Variants in CDH12 observed in about 807,000 individuals in gnomAD.
CDH12 encodes cadherin 12.
CDH12 carries 41 observed loss-of-function variants against 74.1 expected under a neutral mutation model. The ratio of observed to expected loss-of-function variants is 0.55; its 90% CI spans 0.43 to 0.72. The LOEUF is 0.72. Ranked by LOEUF, CDH12 falls within the 30% of genes least tolerant of loss-of-function variation. CDH12 has a pLI of 0.00. For missense variants in CDH12, 945 were observed against 977.2 expected, an observed-to-expected ratio of 0.97 and a Z score of 0.44; for synonymous variants, 399 against 355.0, an observed-to-expected ratio of 1.12 and a Z score of -1.39.
intron 3 of CDH12, among the ~76,000 whole-genome samples, chr5:22,338,210 T>A (rs1739675429): frequency 6.6e-6 from 1 of 152,188 alleles, no homozygotes; most frequent in African/African-American, 2.4e-5. Context: ...AATGTGGTAC[T>A]TATACATGAT....
At chr5:22,406,642 G>T (rs1042106773) in intron 2 of CDH12, among the ~76,000 whole-genome samples, 14 of 152,066 alleles carry the variant, frequency 9.2e-5, no homozygotes, top group African/African-American at 3.4e-4. Flanking sequence ...CAAAAACAAT[G>T]ATCCAAATTA....
intron 6 of CDH12, among the ~76,000 whole-genome samples, chr5:21,940,184 G>A (rs1471557959): frequency 6.6e-6 from 1 of 152,016 alleles, no homozygotes; most frequent in African/African-American, 2.4e-5. Flanking sequence ...CCAAGATCAC[G>A]CCATTGCCCT....
chr5:22,457,425 AT>A (rs1172240668), intron 2 of CDH12, among the ~76,000 whole-genome samples: 171 of 104,600 alleles, frequency 1.6e-3, no homozygotes, highest in African/African-American at 3.9e-3. Flanking sequence ...CTTCTTCTTC[AT>A]TTTTTTTTTT....
intron 14 of CDH12, among the ~76,000 whole-genome samples, chr5:21,754,825 CTACTT>C (rs1744295150): frequency 2.6e-5 from 4 of 152,150 alleles, no homozygotes; most frequent in African/African-American, 9.7e-5. Context: ...AAATCTCTCT[CTACTT>C]TTGTCAATCT....
chr5:22,161,390 C>A (rs1748338483), intron 4 of CDH12, among the ~76,000 whole-genome samples: 1 of 152,080 alleles, frequency 6.6e-6, no homozygotes, highest in African/African-American at 2.4e-5. Flanking sequence ...CAAGAATAAT[C>A]AAAAACAACC....
intron 3 of CDH12, among the ~76,000 whole-genome samples, chr5:22,367,794 A>G (rs1477938415): frequency 6.6e-6 from 1 of 152,188 alleles, no homozygotes; most frequent in Non-Finnish European, 1.5e-5. Context: ...TGCAAGATTC[A>G]TATTATGACC....
intron 4 of CDH12, among the ~76,000 whole-genome samples, chr5:22,080,167 C>CA (rs34271872): frequency 0.31 from 47,484 of 151,982 alleles, 8,475 homozygotes; most frequent in African/African-American, 0.5. Flanking sequence ...GAACTAAAAT[C>CA]AAATCAATGC....
At chr5:21,941,714 C>T (rs550740360) in intron 6 of CDH12, among the ~76,000 whole-genome samples, 33 of 151,942 alleles carry the variant, frequency 2.2e-4, no homozygotes, top group Non-Finnish European at 2.2e-4. Flanking sequence ...AATCATACAA[C>T]GGAAAGGGAG....
At chr5:22,713,363 A>G (rs1743393301) in intron 1 of CDH12, among the ~76,000 whole-genome samples, 1 of 151,546 alleles carries the variant, frequency 6.6e-6, no homozygotes, top group South Asian at 2.1e-4. Context: ...GGATGGTCTC[A>G]ATCTCTTGAC....
chr5:21,820,446 A>T (rs998444439), intron 8 of CDH12, among the ~76,000 whole-genome samples: 19 of 152,164 alleles, frequency 1.2e-4, no homozygotes, highest in African/African-American at 4.1e-4. Context: ...AAATTAAGAT[A>T]AAAGTAAAGC....
intron 12 of CDH12, among the ~76,000 whole-genome samples, chr5:21,762,805 AT>A (rs1005577152): frequency 3.3e-5 from 5 of 152,100 alleles, no homozygotes; most frequent in African/African-American, 1.2e-4. Flanking sequence ...CATTTGGAGC[AT>A]TACAAATGAA....
intron 3 of CDH12, among the ~76,000 whole-genome samples, chr5:22,339,671 T>C (rs1271319995): frequency 6.6e-6 from 1 of 152,200 alleles, no homozygotes; most frequent in South Asian, 2.1e-4. Flanking sequence ...TAATTTATTT[T>C]ATTCATTTTT....
intron 1 of CDH12, among the ~76,000 whole-genome samples, chr5:22,683,587 C>A (rs1741609650): frequency 6.6e-6 from 1 of 152,112 alleles, no homozygotes; most frequent in Admixed American, 6.6e-5. Context: ...TTTTTTTCTG[C>A]ATTGAAAAAG....
intron 3 of CDH12, among the ~76,000 whole-genome samples, chr5:22,249,789 A>C (rs948954263): frequency 2.6e-5 from 4 of 152,114 alleles, no homozygotes; most frequent in African/African-American, 9.7e-5. Flanking sequence ...TAATGGAGAA[A>C]TCTCTCTCTG....
intron 1 of CDH12, among the ~76,000 whole-genome samples, chr5:22,670,525 T>A (rs1272835086): frequency 1.3e-5 from 2 of 152,136 alleles, no homozygotes; most frequent in African/African-American, 4.8e-5. Context: ...ATGTGCCATT[T>A]AAAAATACCA....
chr5:22,165,337 G>T (rs1748618977), intron 4 of CDH12, among the ~76,000 whole-genome samples: 1 of 152,126 alleles, frequency 6.6e-6, no homozygotes, highest in Non-Finnish European at 1.5e-5. Context: ...GGATTTGTTA[G>T]GAGTGTTCCT....
At chr5:22,119,777 A>T (rs1269591178) in intron 4 of CDH12, among the ~76,000 whole-genome samples, 1 of 152,182 alleles carries the variant, frequency 6.6e-6, no homozygotes, top group Non-Finnish European at 1.5e-5. Context: ...AGAAAGAAAA[A>T]AATGAAAATG....
At chr5:22,534,398 T>C (rs1007221980) in intron 1 of CDH12, among the ~76,000 whole-genome samples, 5 of 152,314 alleles carry the variant, frequency 3.3e-5, no homozygotes, top group East Asian at 1.9e-4. Flanking sequence ...GTTATTCTTA[T>C]GGCTTTGCAT....
intron 2 of CDH12, among the ~76,000 whole-genome samples, chr5:22,414,481 A>G (rs1743298935): frequency 1.3e-5 from 2 of 152,110 alleles, no homozygotes; most frequent in South Asian, 4.1e-4. Flanking sequence ...ACAATAATTG[A>G]TAGACAATAA....
Sources: allele counts gnomAD v4.1 joint callset (sites outside exome capture counted in the v4.1 genomes callset), GRCh38; gene constraint gnomAD v4.1.1; transcripts MANE v1.5; gene names NCBI Gene and HGNC (gene_info 2026-07-23, HGNC 2026-07-21).